Variants in APOF observed in about 807,000 individuals in gnomAD.
APOF encodes the protein apolipoprotein F.
APOF carries 2 observed loss-of-function variants against 2.4 expected under a neutral mutation model. The ratio of observed to expected loss-of-function variants is 0.83; its 90% CI spans 0.34 to 2.61. The LOEUF is 2.61. Among genes scored for constraint, APOF ranks in the 30% most tolerant of loss-of-function variants. The probability of loss-of-function intolerance (pLI) is 0.11; values close to 1 mark genes in which losing one functional copy is unlikely to be tolerated. For synonymous variants in APOF, 149 were observed against 155.6 expected, an observed-to-expected ratio of 0.96 and a Z score of 0.32; for missense variants, 370 against 388.7, an observed-to-expected ratio of 0.95 and a Z score of 0.40.
chr12:56,362,729 C>A lies in APOF; in HGVS notation c.16+1G>T, dbSNP rs200793252. ...ACCCATATATAGGGACCCCAAATTA[C>A]CACACAGTCCAGTCATTGAGAAGTG... On this transcript the variant is annotated splice_donor_variant, in intron 1 of 1. Transcript: ENST00000398189. LOFTEE classifies it high-confidence loss of function. 1.4e-5 allele frequency: 23 copies of A among 1,613,780 alleles called. No individual in the cohort carries two copies. Among genetic ancestry groups the A allele is most frequent in the Non-Finnish European group, 1.7e-6 (2 of 1,179,844 alleles).
rs762810631 is a variant in APOF at position 56,361,596 on chromosome 12, G to C, written c.610C>G (p.Gln204Glu). Residue 204 changes from glutamine to glutamate, a missense_variant, in exon 2 of 2, where the codon CAA (glutamine) becomes GAA (glutamate). By Grantham distance (29) the Gln-to-Glu change is conservative. Transcript: ENST00000398189. ...NLGTALYYAT[Q>E]NCLGKARERG... ...TCCCTGGCCTTGCCCAGGCAGTTTT[G>C]AGTAGCATAATACAAAGCTGTGCCC... The C allele has an allele frequency of 6.2e-7, 1 of 1,614,022 alleles. No individual in the cohort carries two copies. The highest frequency in any genetic ancestry group is 8.5e-7 in the Non-Finnish European group (1 of 1,179,890).
In APOF at chr12:56,362,854, G is replaced by C; in HGVS notation, c.-109C>G. Reference sequence around the variant, plus strand: ...TTTGCTTTCCCCTATGATCAGTGAAGGATGTAATCTCTGCAAATATTTGCC... The same window carrying C: ...TTTGCTTTCCCCTATGATCAGTGAACGATGTAATCTCTGCAAATATTTGCC... On this transcript the variant is annotated 5_prime_UTR_variant, in exon 1 of 2. Coordinates refer to ENST00000398189, the MANE Select transcript of APOF (RefSeq NM_001638.4). The C allele has an allele frequency of 7.6e-7, 1 of 1,312,258 alleles. No individual in the cohort carries two copies. The highest frequency in any genetic ancestry group is 1.1e-6 in the Non-Finnish European group (1 of 923,608). 81.3% of individuals were successfully genotyped at this position (1,312,258 alleles called of 1,614,324 possible).
Position 56,361,037 on chromosome 12 carries a change from A to G in APOF, c.*188T>C, listed in dbSNP as rs903568091. 1.6e-5 allele frequency: 10 copies of G among 621,808 alleles called. No homozygotes were observed. The Admixed American group carries it at 2.7e-4, about 17-fold the overall frequency. The allele number at this position is 621,808 out of a possible 1,614,324, so 38.5% of individuals were successfully genotyped here. Reference sequence around the variant, plus strand: ...TCAAGAAAGAAGTTACTATTCAGTGATCACCGAGGCTCTAACAAGTGGAGC... The same window carrying G: ...TCAAGAAAGAAGTTACTATTCAGTGGTCACCGAGGCTCTAACAAGTGGAGC... On this transcript the variant is annotated 3_prime_UTR_variant, in exon 2 of 2. Coordinates refer to ENST00000398189, the MANE Select transcript of APOF (RefSeq NM_001638.4).
chr12:56,361,614 C>T lies in APOF; in HGVS notation c.592G>A (p.Ala198Thr), dbSNP rs761343377. The change falls in exon 2 of 2, where the codon GCT becomes ACT. Residue 198 changes from alanine (A) to threonine (T), a missense_variant. By Grantham distance (58) the Ala-to-Thr change is moderately conservative. Coordinates refer to ENST00000398189, the MANE Select transcript of APOF (RefSeq NM_001638.4). Reference protein sequence around the residue: ...GVGTFYNLGTALYYATQNCLG... With the variant: ...GVGTFYNLGTTLYYATQNCLG... ...CAGTTTTGAGTAGCATAATACAAAG[C>T]TGTGCCCAGGTTGTAGAAGGTTCCC... 17 of 1,613,870 alleles carry T rather than the reference C, an allele frequency of 1.1e-5. No homozygotes were observed. The South Asian group carries it at 1.8e-4, about 17-fold the overall frequency.
Position 56,362,163 on chromosome 12 carries a change from G to A in APOF, c.43C>T (p.Leu15Phe). The stretch of plus-strand genomic sequence containing the variant: ...TCAACTGGTATCATGATGAGTCTGA[G>A]GCCACGCATGTCTGGAGCAGAGTAC... The part of the protein sequence containing the change: ...CGYSAPDMRG[L>F]RLIMIPVELL... Residue 15 changes from leucine (L) to phenylalanine (F), a missense_variant, in exon 2 of 2, where the codon CTC becomes TTC. Coordinates refer to ENST00000398189, the MANE Select transcript of APOF (RefSeq NM_001638.4). The A allele has an allele frequency of 3.7e-6, 6 of 1,613,330 alleles. No individual in the cohort carries two copies. The highest frequency in any genetic ancestry group is 5.1e-6 in the Non-Finnish European group (6 of 1,179,844).
rs548221975 is a variant in APOF, at chr12:56,362,209, G to A, written c.17-20C>T. The A allele has an allele frequency of 3.4e-5, 55 of 1,604,054 alleles. 1 individual carries two copies. The highest frequency in any genetic ancestry group is 4.1e-4 in the Middle Eastern group (2 of 4,860). On this transcript the variant is annotated intron_variant, in intron 1 of 1. Transcript: ENST00000398189. ...AGTACCCTAGAAAGGGGAGAAATCC[G>A]AAACATACAAACCATTTCCCTAAGG...
Position 56,361,568 on chromosome 12 carries a change from C to T in APOF, c.638G>A (p.Arg213Gln), listed in dbSNP as rs554370648. ...CAGATCTATGGCCCCATCTCGGCCTCGTTCCCTGGCCTTGCCCAGGCAGTT... is the reference window on the plus strand; with the variant it reads ...CAGATCTATGGCCCCATCTCGGCCTTGTTCCCTGGCCTTGCCCAGGCAGTT... Reference protein sequence around the residue: ...TQNCLGKARERGRDGAIDLGY... With the variant: ...TQNCLGKAREQGRDGAIDLGY... The change falls in exon 2 of 2, where the codon CGA becomes CAA. Residue 213 changes from arginine (R) to glutamine (Q), a missense_variant. Transcript: ENST00000398189. 3.1e-6 allele frequency: 5 copies of T among 1,614,058 alleles called. No homozygotes were observed. The highest frequency in any genetic ancestry group is 3.3e-5 in the Admixed American group (2 of 60,030).
In APOF at chr12:56,362,583, G is replaced by A. The variant is rs112468540; in HGVS notation, c.16+147C>T. Reference sequence around the variant, plus strand: ...GATAGGCTTCCAGATGTGAGCCACCGCGCCTGGCCCCAAGCTTCTGTTCTT... The same window carrying A: ...GATAGGCTTCCAGATGTGAGCCACCACGCCTGGCCCCAAGCTTCTGTTCTT... On this transcript the variant is annotated intron_variant, in intron 1 of 1. Coordinates refer to ENST00000398189, the MANE Select transcript of APOF (RefSeq NM_001638.4). 1.3e-3 allele frequency: 1,006 copies of A among 762,056 alleles called. 9 individuals are homozygous for A. The highest frequency in any genetic ancestry group is 9.6e-3 in the African/African-American group (546 of 56,884). The allele number at this position is 762,056 out of a possible 1,614,324, so 47.2% of individuals were successfully genotyped here.
chr12:56,362,018 A>G lies in APOF; in HGVS notation c.188T>C (p.Leu63Ser). Residue 63 changes from leucine to serine, a missense_variant, in exon 2 of 2, where the codon TTG (leucine) becomes TCG (serine). By Grantham distance (145) the Leu-to-Ser change is moderately radical (BLOSUM62 -2). Transcript: ENST00000398189. ...CTTTGGGTGCAGAAATTGGCAGGAC[A>G]AGGGGTCTGAGGAGGGTGTCTGGGA... ...LESQTPSSDP[L>S]SCQFLHPKSL... The G allele has an allele frequency of 6.2e-7, 1 of 1,613,978 alleles. No homozygotes were observed. Among genetic ancestry groups the G allele is most frequent in the East Asian group, 2.2e-5 (1 of 44,892 alleles).
chr12:56,362,842 A>G lies in APOF; in HGVS notation c.-97T>C, dbSNP rs748076226. ...GGAAAGGAGATATTTGCTTTCCCCTATGATCAGTGAAGGATGTAATCTCTG... is the reference window on the plus strand; with the variant it reads ...GGAAAGGAGATATTTGCTTTCCCCTGTGATCAGTGAAGGATGTAATCTCTG... On this transcript the variant is annotated 5_prime_UTR_variant, in exon 1 of 2. Coordinates refer to ENST00000398189, the MANE Select transcript of APOF (RefSeq NM_001638.4). The G allele has an allele frequency of 1.7e-5, 24 of 1,404,362 alleles. No individual in the cohort carries two copies. The highest frequency in any genetic ancestry group is 2.3e-5 in the Non-Finnish European group (23 of 1,000,518). The allele number at this position is 1,404,362 out of a possible 1,614,324, so 87.0% of individuals were successfully genotyped here.
At position 56,361,097 on chromosome 12, in the gene APOF, CCAAA is replaced by C. The variant is rs1335531501; in HGVS notation, c.*124_*127del. ...AAACCAAACCCTGTGACTTCAACACCCAAACATTTACGTTCTTACGTTTTACTGT... is the reference window on the plus strand; with the variant it reads ...AAACCAAACCCTGTGACTTCAACACCCATTTACGTTCTTACGTTTTACTGT... On this transcript the variant is annotated 3_prime_UTR_variant, in exon 2 of 2. Coordinates refer to ENST00000398189, the MANE Select transcript of APOF (RefSeq NM_001638.4). 8 of 1,185,188 alleles carry C rather than the reference CCAAA, an allele frequency of 6.7e-6. No individual in the cohort carries two copies. Among genetic ancestry groups the C allele is most frequent in the African/African-American group, 1.6e-5 (1 of 63,896 alleles). 73.4% of individuals were successfully genotyped at this position (1,185,188 alleles called of 1,614,324 possible). A position where few individuals can be genotyped will look rare whatever the true frequency, so the allele number is the denominator to read the frequency against.
In APOF at chr12:56,361,659, C is replaced by T; in HGVS notation, c.547G>A (p.Val183Ile). 6.2e-7 allele frequency: 1 copy of T among 1,612,680 alleles called. No homozygotes were observed. Among genetic ancestry groups the T allele is most frequent in the East Asian group, 2.2e-5 (1 of 44,850 alleles). ...GTTCCCACTCCTGGCAGCAGCTGGA[C>T]TACATTGTGCACAGCTTGCTCCTTC... ...NEKEQAVHNV[V>I]QLLPGVGTFY... The change falls in exon 2 of 2, where the codon GTC becomes ATC. Residue 183 changes from valine to isoleucine, a missense_variant. Physicochemically the swap from Val to Ile is conservative, Grantham distance 29. Transcript: ENST00000398189.
At position 56,361,104 on chromosome 12, in the gene APOF, T is replaced by C; in HGVS notation, c.*121A>G. Reference sequence around the variant, plus strand: ...ACCCTGTGACTTCAACACCCAAACATTTACGTTCTTACGTTTTACTGTACA... The same window carrying C: ...ACCCTGTGACTTCAACACCCAAACACTTACGTTCTTACGTTTTACTGTACA... On this transcript the variant is annotated 3_prime_UTR_variant, in exon 2 of 2. Transcript: ENST00000398189. The C allele has an allele frequency of 1.6e-6, 2 of 1,249,268 alleles. No individual in the cohort carries two copies. The highest frequency in any genetic ancestry group is 1.1e-6 in the Non-Finnish European group (1 of 920,996). 77.4% of individuals were successfully genotyped at this position (1,249,268 alleles called of 1,614,324 possible). A position where few individuals can be genotyped will look rare whatever the true frequency, so the allele number is the denominator to read the frequency against.
chr12:56,362,218 A>G (rs1880422413), intron 1 of APOF, 29 bp from the exon 2 acceptor site: 1 of 1,598,864 alleles, frequency 6.3e-7, no homozygotes, highest in Non-Finnish European at 8.5e-7. Context: ...CGAAACATAC[A>G]AACCATTTCC....
rs761014634 is a variant in APOF, at chr12:56,362,089, A to G, written c.117T>C (p.Tyr39=). The change falls in exon 2 of 2, where the codon TAT becomes TAC. Residue 39 remains tyrosine (Y), a synonymous_variant. Coordinates refer to ENST00000398189, the MANE Select transcript of APOF (RefSeq NM_001638.4). ...GCATCAAGACATTTGTCTGCTTTCCATATGAAGTGGCATCCACAGGGTGCA... is the reference window on the plus strand; with the variant it reads ...GCATCAAGACATTTGTCTGCTTTCCGTATGAAGTGGCATCCACAGGGTGCA... The part of the protein sequence containing the change: ...LLLHPVDATS[Y]GKQTNVLMHF... 6.2e-7 allele frequency: 1 copy of G among 1,614,048 alleles called. No individual in the cohort carries two copies.
rs781513742 is a variant in APOF, at chr12:56,361,669, C to T, written c.537G>A (p.Val179=). Residue 179 remains valine (V), a synonymous_variant, in exon 2 of 2, where the codon GTG becomes GTA. Coordinates refer to ENST00000398189, the MANE Select transcript of APOF (RefSeq NM_001638.4). The part of the protein sequence containing the change: ...EDCENEKEQA[V]HNVVQLLPGV... ...CTGGCAGCAGCTGGACTACATTGTG[C>T]ACAGCTTGCTCCTTCTCATTCTCAC... is the stretch of plus-strand genomic sequence containing the variant. The T allele has an allele frequency of 6.2e-7, 1 of 1,612,052 alleles. No homozygotes were observed. Among genetic ancestry groups the T allele is most frequent in the Non-Finnish European group, 8.5e-7 (1 of 1,179,066 alleles).
chr12:56,362,814 T>G lies in APOF; in HGVS notation c.-69A>C. On this transcript the variant is annotated 5_prime_UTR_variant, in exon 1 of 2. An upstream start codon of the reference 5' UTR is lost. Transcript: ENST00000398189. ...CTGTTCTGCCTAGTTCTGTGTCCCA[T>G]GAGGAAAGGAGATATTTGCTTTCCC... is the stretch of plus-strand genomic sequence containing the variant. 1 of 1,573,844 alleles carries G rather than the reference T, an allele frequency of 6.4e-7. No homozygotes were observed. The highest frequency in any genetic ancestry group is 8.7e-7 in the Non-Finnish European group (1 of 1,145,724).
Position 56,361,790 on chromosome 12 carries a change from T to C in APOF, c.416A>G (p.Asn139Ser), listed in dbSNP as rs1334549077. 6.2e-7 allele frequency: 1 copy of C among 1,612,024 alleles called. No homozygotes were observed. Among genetic ancestry groups the C allele is most frequent in the Non-Finnish European group, 8.5e-7 (1 of 1,179,062 alleles). ...GLQKGRSTER[N>S]VSVEALASAL... is the part of the protein sequence containing the mutation. ...AGAGGCCAGGGCTTCCACTGACACG[T>C]TCCTCTCTGTGCTTCTGCCTTTCTG... Residue 139 changes from asparagine (N) to serine (S), a missense_variant, in exon 2 of 2, where the codon AAC becomes AGC. Coordinates refer to ENST00000398189, the MANE Select transcript of APOF (RefSeq NM_001638.4).
Position 56,361,065 on chromosome 12 carries a change from A to C in APOF, c.*160T>G, listed in dbSNP as rs1880291031. 1.3e-6 allele frequency: 1 copy of C among 773,868 alleles called. No individual in the cohort carries two copies. 47.9% of individuals were successfully genotyped at this position (773,868 alleles called of 1,614,324 possible). A position where few individuals can be genotyped will look rare whatever the true frequency, so the allele number is the denominator to read the frequency against. On this transcript the variant is annotated 3_prime_UTR_variant, in exon 2 of 2. Coordinates refer to ENST00000398189, the MANE Select transcript of APOF (RefSeq NM_001638.4). ...ACCGAGGCTCTAACAAGTGGAGCCT[A>C]GATTCGAAACCAAACCCTGTGACTT...
Sources: allele counts gnomAD v4.1 joint callset, GRCh38; gene constraint gnomAD v4.1.1; transcripts MANE v1.5; gene names NCBI Gene and HGNC (gene_info 2026-07-23, HGNC 2026-07-21).